Variants in YKT6 observed in about 807,000 individuals in gnomAD.
The protein encoded by YKT6 is YKT6 vesicular SNARE protein.
Under a neutral mutation model 29.3 loss-of-function variants are expected in YKT6, and 12 were observed. That is an observed-to-expected ratio of 0.41 (90% CI 0.26 to 0.66). The LOEUF is 0.66. YKT6 is among the 30% of genes least tolerant of loss of function. YKT6 has a pLI of 0.32. For missense variants in YKT6, 188 were observed against 243.8 expected, an observed-to-expected ratio of 0.77 and a Z score of 1.52; for synonymous variants, 86 against 94.3, an observed-to-expected ratio of 0.91 and a Z score of 0.51.
chr7:44,206,915 G>A lies in YKT6; in HGVS notation c.288+430G>A, dbSNP rs1583647118. ...CTAAGCATTCTTTAAATTTTTTTGC[G>A]TACGGTGCTAATTACTAATATTAAC... On this transcript the variant is annotated intron_variant, in intron 3 of 6. Coordinates refer to ENST00000223369, the MANE Select transcript of YKT6 (RefSeq NM_006555.4). Among the ~76,000 whole-genome samples, 3 of 152,076 alleles carry A rather than the reference G, an allele frequency of 2.0e-5. No individual in the cohort carries two copies. The East Asian group carries it at 5.8e-4, about 29-fold the overall frequency.
intron 1 of YKT6, among the ~76,000 whole-genome samples, chr7:44,201,487 G>A (rs2096335667): frequency 6.6e-6 from 1 of 152,198 alleles, no homozygotes; most frequent in Non-Finnish European, 1.5e-5. Context: ...GAATCTGGCC[G>A]TGGACTCTAC....
Position 44,211,061 on chromosome 7 carries a change from G to A in YKT6, c.498G>A (p.Lys166=), listed in dbSNP as rs1456041500. 6.2e-7 allele frequency: 1 copy of A among 1,614,052 alleles called. No homozygotes were observed. Among genetic ancestry groups the A allele is most frequent in the Non-Finnish European group, 8.5e-7 (1 of 1,180,008 alleles). ...AGTCTCTGTTAGAGCGAGGTGAGAAGCTAGATGACTTGGTGTCCAAATCCG... is the reference window on the plus strand; with the variant it reads ...AGTCTCTGTTAGAGCGAGGTGAGAAACTAGATGACTTGGTGTCCAAATCCG... ...TMESLLERGE[K]LDDLVSKSEV... Residue 166 remains lysine, a synonymous_variant, in exon 6 of 7, where the codon AAG becomes AAA. Coordinates refer to ENST00000223369, the MANE Select transcript of YKT6 (RefSeq NM_006555.4).
rs1359805445 is a variant in YKT6, at chr7:44,212,475, T to TTGGA, written c.*194_*195insGGAT. 6.1e-6 allele frequency: 4 copies of TTGGA among 653,878 alleles called. No individual in the cohort carries two copies. The East Asian group carries it at 1.2e-4, about 19-fold the overall frequency. 40.5% of individuals were successfully genotyped at this position (653,878 alleles called of 1,614,324 possible). ...TTCAAATTCATATGTGTGGTAGTGATTCTTGGAAAGAATTTGAGGTCCCCA... is the reference window on the plus strand; with the variant it reads ...TTCAAATTCATATGTGTGGTAGTGATTGGATCTTGGAAAGAATTTGAGGTCCCCA... On this transcript the variant is annotated 3_prime_UTR_variant, in exon 7 of 7. Coordinates refer to ENST00000223369, the MANE Select transcript of YKT6 (RefSeq NM_006555.4).
rs1367857316 is a variant in YKT6 at position 44,204,585 on chromosome 7, C to T, written c.122C>T (p.Thr41Ile). 4 of 1,614,052 alleles carry T rather than the reference C, an allele frequency of 2.5e-6. No individual in the cohort carries two copies. The Admixed American group carries it at 6.7e-5, about 27-fold the overall frequency. ...FQRSSVQEFM[T>I]FTSQLIVERS... Reference sequence around the variant, plus strand: ...TTTCTTAGCGTTCAGGAATTCATGACCTTCACGAGTCAACTGATTGTGGAG... The same window carrying T: ...TTTCTTAGCGTTCAGGAATTCATGATCTTCACGAGTCAACTGATTGTGGAG... Residue 41 changes from threonine to isoleucine, a missense_variant, in exon 2 of 7, where the codon ACC becomes ATC. Coordinates refer to ENST00000223369, the MANE Select transcript of YKT6 (RefSeq NM_006555.4).
chr7:44,204,311 C>A (rs2096338685), intron 1 of YKT6, among the ~76,000 whole-genome samples: 20 of 152,178 alleles, frequency 1.3e-4, no homozygotes, highest in Admixed American at 1.3e-3. Context: ...TTGACTGTAT[C>A]CTGTGGAAAA....
At position 44,212,530 on chromosome 7, in the gene YKT6, A is replaced by T; in HGVS notation, c.*248A>T. ...TGTATTTTTGGGCAAATGAAACCAT[A>T]AACTCCGACTGGCTTCTGTAGATGC... On this transcript the variant is annotated 3_prime_UTR_variant, in exon 7 of 7. Coordinates refer to ENST00000223369, the MANE Select transcript of YKT6 (RefSeq NM_006555.4). 2.0e-6 allele frequency: 1 copy of T among 493,476 alleles called. No homozygotes were observed. Among genetic ancestry groups the T allele is most frequent in the Non-Finnish European group, 3.6e-6 (1 of 280,280 alleles). The allele number at this position is 493,476 out of a possible 1,614,324, so 30.6% of individuals were successfully genotyped here.
At chr7:44,204,134 C>T (rs964023925) in intron 1 of YKT6, among the ~76,000 whole-genome samples, 1 of 152,236 alleles carries the variant, frequency 6.6e-6, no homozygotes, top group African/African-American at 2.4e-5. Flanking sequence ...CATGTGGACA[C>T]AGCCATAAAT....
intron 1 of YKT6, among the ~76,000 whole-genome samples, chr7:44,204,042 T>C (rs2096338452): frequency 6.6e-6 from 1 of 152,230 alleles, no homozygotes; most frequent in Non-Finnish European, 1.5e-5. Flanking sequence ...ATCCAGAGTG[T>C]CTTGCGCTCG....
At chr7:44,211,258 C>G (rs866178330) in intron 6 of YKT6, 134 bp downstream of exon 6, 28 of 893,370 alleles carry the variant, frequency 3.1e-5, no homozygotes, top group Middle Eastern at 5.4e-4. Context: ...CCTTGTGCGG[C>G]AAGAGCCTAA....
At chr7:44,205,922 T>G (rs1185550974) in intron 2 of YKT6, among the ~76,000 whole-genome samples, 1 of 151,222 alleles carries the variant, frequency 6.6e-6, no homozygotes. Flanking sequence ...CCCTGGGGGG[T>G]AATTTCCTGT....
chr7:44,213,261 A>T lies in YKT6; in HGVS notation c.*979A>T, dbSNP rs748928497. On this transcript the variant is annotated 3_prime_UTR_variant, in exon 7 of 7. Coordinates refer to ENST00000223369, the MANE Select transcript of YKT6 (RefSeq NM_006555.4). ...CTCTAAGACTGCCTTGAACCGCCTGAGGCCTATGCATCTGAACAAGTGGGT... is the reference window on the plus strand; with the variant it reads ...CTCTAAGACTGCCTTGAACCGCCTGTGGCCTATGCATCTGAACAAGTGGGT... The T allele has an allele frequency of 2.0e-5, 3 of 152,276 alleles. No homozygotes were observed. The highest frequency in any genetic ancestry group is 4.4e-5 in the Non-Finnish European group (3 of 68,066). The allele number at this position is 152,276 out of a possible 1,614,324, so 9.4% of individuals were successfully genotyped here. A position where few individuals can be genotyped will look rare whatever the true frequency, so the allele number is the denominator to read the frequency against.
Position 44,211,002 on chromosome 7 carries a change from TCTC to T in YKT6, c.460-20_460-18del, listed in dbSNP as rs1235619197. On this transcript the variant is annotated intron_variant, in intron 5 of 6. Transcript: ENST00000223369. ...GGGCACGTACTGAACAGAGCTGGAT[TCTC>T]TTTTCTTTTTTGTCCAGCACAACAC... 2 of 1,612,846 alleles carry T rather than the reference TCTC, an allele frequency of 1.2e-6. No homozygotes were observed. The highest frequency in any genetic ancestry group is 1.7e-6 in the Non-Finnish European group (2 of 1,179,220).
intron 1 of YKT6, among the ~76,000 whole-genome samples, chr7:44,203,654 C>A (rs1035518722): frequency 2.0e-5 from 3 of 152,174 alleles, no homozygotes; most frequent in Non-Finnish European, 4.4e-5. Flanking sequence ...ACAAGTAATA[C>A]TGTGTGTGCA....
intron 2 of YKT6, 66 bp downstream of exon 2, chr7:44,204,716 C>G: frequency 4.6e-6 from 7 of 1,509,640 alleles, no homozygotes; most frequent in African/African-American, 1.4e-5. Context: ...TCACATAGCA[C>G]CCAGCTTTCT....
intron 6 of YKT6, chr7:44,211,580 G>A (rs2096346882): frequency 4.9e-6 from 5 of 1,012,666 alleles, no homozygotes; most frequent in South Asian, 8.2e-5. Context: ...AAGGATGGGT[G>A]CTGCTGACTG....
chr7:44,204,531 T>G, intron 1 of YKT6, 37 bp from the exon 2 acceptor site: 1 of 1,606,962 alleles, frequency 6.2e-7, no homozygotes, highest in Non-Finnish European at 8.5e-7. Flanking sequence ...GACAAGGTGA[T>G]AAGAAGTAGG....
Position 44,213,486 on chromosome 7 carries a change from T to C in YKT6, c.*1204T>C. On this transcript the variant is annotated 3_prime_UTR_variant, in exon 7 of 7. Coordinates refer to ENST00000223369, the MANE Select transcript of YKT6 (RefSeq NM_006555.4). ...CACTGCCCAAGTCATGGCAACAGGCTGGAGCAGCCCAGGAGATGGGCCTAA... is the reference window on the plus strand; with the variant it reads ...CACTGCCCAAGTCATGGCAACAGGCCGGAGCAGCCCAGGAGATGGGCCTAA... The C allele has an allele frequency of 6.6e-6, 1 of 152,428 alleles. No homozygotes were observed. The highest frequency in any genetic ancestry group is 2.4e-5 in the African/African-American group (1 of 41,586). The allele number at this position is 152,428 out of a possible 1,614,324, so 9.4% of individuals were successfully genotyped here. A position where few individuals can be genotyped will look rare whatever the true frequency, so the allele number is the denominator to read the frequency against.
chr7:44,206,147 C>T (rs1311447661), intron 2 of YKT6, among the ~76,000 whole-genome samples: 1 of 152,182 alleles, frequency 6.6e-6, no homozygotes, highest in East Asian at 1.9e-4. Flanking sequence ...TCTTTAAGCC[C>T]TGGCTTTGCA....
chr7:44,211,744 A>G, intron 6 of YKT6: 1 of 505,886 alleles, frequency 2.0e-6, no homozygotes, highest in Non-Finnish European at 2.6e-6. Flanking sequence ...TGGGATTAGG[A>G]AGATAGTCTG....
Sources: gnomAD v4.1 joint callset for allele counts (sites outside exome capture counted in the v4.1 genomes callset) on GRCh38, gnomAD v4.1.1 for gene constraint, MANE v1.5 for transcripts, NCBI Gene and HGNC (gene_info 2026-07-23, HGNC 2026-07-21) for gene names.